The following COL4A6 variants were observed in gnomAD, a reference collection of about 807,000 sequenced individuals.
The protein encoded by COL4A6 is collagen alpha-6(IV) chain.
A neutral mutation model predicts 126.7 loss-of-function variants in COL4A6; 59 were observed. That is an observed-to-expected ratio of 0.47 (90% CI 0.38 to 0.58). The LOEUF is 0.58. Ranked by LOEUF, COL4A6 falls within the 20% of genes least tolerant of loss-of-function variation. The probability of loss-of-function intolerance (pLI) is 0.00; values close to 1 mark genes in which losing one functional copy is unlikely to be tolerated. For synonymous variants in COL4A6, 547 were observed against 496.6 expected (o/e 1.10, Z -1.35); for missense variants, 1,285 against 1,337.3 (o/e 0.96, Z 0.61).
chrX:108,429,846 A>T (rs758174378), intron 2 of COL4A6, among the ~76,000 whole-genome samples: 2 of 111,861 alleles, frequency 1.8e-5, no homozygotes, highest in Non-Finnish European at 1.9e-5. Flanking sequence ...ATATTTTTCC[A>T]TCAATTCAAT....
In COL4A6 at chrX:108,195,224, T is replaced by C. The variant is rs2035175417; in HGVS notation, c.904-98A>G. 4.7e-6 allele frequency: 3 copies of C among 637,334 alleles called. No individual in the cohort carries two copies. The Admixed American group carries it at 8.8e-5, about 19-fold the overall frequency. 52.5% of individuals were successfully genotyped at this position (637,334 alleles called of 1,213,427 possible). A position where few individuals can be genotyped will look rare whatever the true frequency, so the allele number is the denominator to read the frequency against. The stretch of plus-strand genomic sequence containing the variant: ...AAGTTATCCAACTGAGTTCAGGATT[T>C]AGCAGCTCCTAAAATCAGGTAAGCG... On this transcript the variant is annotated intron_variant, in intron 14 of 44. Transcript: ENST00000334504.
At chrX:108,390,213 T>A (rs2040804007) in intron 2 of COL4A6, among the ~76,000 whole-genome samples, 1 of 110,893 alleles carries the variant, frequency 9.0e-6, no homozygotes. Flanking sequence ...TATCTTGAGG[T>A]TGCTCTTCTG....
intron 2 of COL4A6, among the ~76,000 whole-genome samples, chrX:108,389,681 C>T (rs1164450854): frequency 9.0e-6 from 1 of 111,223 alleles, no homozygotes; most frequent in Non-Finnish European, 1.9e-5. Context: ...ACTCTTTATC[C>T]AATTTGTCAG....
chrX:108,423,283 C>A (rs1044754484), intron 2 of COL4A6, among the ~76,000 whole-genome samples: 1 of 111,964 alleles, frequency 8.9e-6, no homozygotes, highest in African/African-American at 3.3e-5. Context: ...TTCCAATGGA[C>A]AGAAATCAAA....
chrX:108,168,132 A>G (rs2034190197), intron 37 of COL4A6, among the ~76,000 whole-genome samples: 1 of 112,447 alleles, frequency 8.9e-6, no homozygotes, highest in African/African-American at 3.2e-5. Flanking sequence ...TGTGCTGTTT[A>G]CTACATGCAT....
chrX:108,411,037 ACAAT>A (rs1380784621), intron 2 of COL4A6, among the ~76,000 whole-genome samples: 1 of 112,687 alleles, frequency 8.9e-6, no homozygotes, highest in Non-Finnish European at 1.9e-5. Flanking sequence ...AAAGGGTAAA[ACAAT>A]CAACATCTCA....
chrX:108,202,885 A>T, intron 13 of COL4A6, 43 bp downstream of exon 13: 1 of 1,114,041 alleles, frequency 9.0e-7, no homozygotes, highest in African/African-American at 1.8e-5. Context: ...GCTTTTGTCC[A>T]ATCAGACCCT....
intron 3 of COL4A6, among the ~76,000 whole-genome samples, chrX:108,288,663 A>G (rs1420994538): frequency 9.2e-6 from 1 of 109,285 alleles, no homozygotes; most frequent in Non-Finnish European, 1.9e-5. Flanking sequence ...TTTTTTTTTC[A>G]TTTAATTAGG....
chrX:108,278,268 T>G (rs1394120234), intron 3 of COL4A6, among the ~76,000 whole-genome samples: 2 of 111,556 alleles, frequency 1.8e-5, no homozygotes, highest in Non-Finnish European at 3.8e-5. Flanking sequence ...AAAGTATAAC[T>G]AGAATAATCA....
chrX:108,163,115 C>T, intron 40 of COL4A6, 77 bp from the exon 41 acceptor site: 1 of 949,137 alleles, frequency 1.1e-6, no homozygotes, highest in Non-Finnish European at 1.5e-6. Context: ...GCCTTCTTTA[C>T]TAACTTGCAA....
chrX:108,280,081 G>A (rs954747055), intron 3 of COL4A6, among the ~76,000 whole-genome samples: 2 of 111,278 alleles, frequency 1.8e-5, no homozygotes, highest in African/African-American at 6.5e-5. Context: ...ACAATTAAAA[G>A]AACTAGAAAA....
chrX:108,253,206 A>C (rs1250111677), intron 3 of COL4A6, among the ~76,000 whole-genome samples: 1 of 111,912 alleles, frequency 8.9e-6, no homozygotes, highest in Non-Finnish European at 1.9e-5. Flanking sequence ...GAGGAAGTCA[A>C]ATTATCCCTA....
intron 23 of COL4A6, among the ~76,000 whole-genome samples, chrX:108,186,883 G>A (rs1208006666): frequency 1.8e-5 from 2 of 111,188 alleles, no homozygotes; most frequent in Admixed American, 9.5e-5. Flanking sequence ...AGTTCTTCAC[G>A]AAGTAGGGTG....
At chrX:108,281,577 A>G (rs2037828735) in intron 3 of COL4A6, among the ~76,000 whole-genome samples, 2 of 111,751 alleles carry the variant, frequency 1.8e-5, no homozygotes, top group Admixed American at 1.9e-4. Flanking sequence ...TGCCCAAGGC[A>G]ATTTATAGAT....
intron 2 of COL4A6, among the ~76,000 whole-genome samples, chrX:108,360,787 C>T (rs1050368542): frequency 3.6e-5 from 4 of 111,001 alleles, no homozygotes; most frequent in African/African-American, 9.8e-5. Flanking sequence ...CTGCCCACCT[C>T]GGCCTCCCAA....
At chrX:108,310,969 A>T in intron 2 of COL4A6, 141 bp from the exon 3 acceptor site, 6 of 476,976 alleles carry the variant, frequency 1.3e-5, no homozygotes, top group Non-Finnish European at 2.2e-5. Flanking sequence ...AGTCAAATGA[A>T]ATAAAAACTA....
chrX:108,344,162 T>C (rs1936413616), intron 2 of COL4A6, among the ~76,000 whole-genome samples: 1 of 111,168 alleles, frequency 9.0e-6, no homozygotes, highest in Non-Finnish European at 1.9e-5. Context: ...CAGGACTCCA[T>C]GTCTAAAATC....
At chrX:108,411,071 C>A (rs1427102509) in intron 2 of COL4A6, among the ~76,000 whole-genome samples, 1 of 112,029 alleles carries the variant, frequency 8.9e-6, no homozygotes, top group Non-Finnish European at 1.9e-5. Flanking sequence ...AATTTGGGCA[C>A]AGCAAAGGTA....
chrX:108,396,482 C>G (rs1430260688), intron 2 of COL4A6, among the ~76,000 whole-genome samples: 3 of 111,671 alleles, frequency 2.7e-5, no homozygotes, highest in Non-Finnish European at 5.6e-5. Flanking sequence ...CAGAGGTGCT[C>G]TCTCTCATTA....
Sources: allele counts gnomAD v4.1 joint callset (sites outside exome capture counted in the v4.1 genomes callset), GRCh38; gene constraint gnomAD v4.1.1; transcripts MANE v1.5; gene names NCBI Gene and HGNC (gene_info 2026-07-23, HGNC 2026-07-21).